Variants in EPS8L3 observed in about 807,000 individuals in gnomAD.
EPS8L3 encodes the protein EPS8 signaling adaptor L3.
A neutral mutation model predicts 88.5 loss-of-function variants in EPS8L3; 80 were observed. That is an observed-to-expected ratio of 0.90 (90% CI 0.75 to 1.09). The LOEUF (loss-of-function observed/expected upper bound fraction) is 1.09, where lower values mean the gene tolerates loss of function less well. Among genes scored for constraint, EPS8L3 ranks in the 50% least tolerant of loss-of-function variants. The pLI, the probability that EPS8L3 is intolerant of heterozygous loss-of-function variation, is 0.00. For missense variants in EPS8L3, 721 were observed against 735.2 expected (o/e 0.98, Z 0.22); for synonymous variants, 286 against 291.0 (o/e 0.98, Z 0.18).
intron 9 of EPS8L3, 38 bp from the exon 10 acceptor site, chr1:109,757,901 C>T: frequency 6.2e-7 from 1 of 1,613,496 alleles, no homozygotes; most frequent in Non-Finnish European, 8.5e-7. Flanking sequence ...CAGAGATCAC[C>T]CTGAGACACC....
chr1:109,759,651 A>G lies in EPS8L3; in HGVS notation c.255+27T>C, dbSNP rs1228617140. The G allele has an allele frequency of 4.3e-6, 7 of 1,610,252 alleles. No homozygotes were observed. Among genetic ancestry groups the G allele is most frequent in the Middle Eastern group, 1.7e-4 (1 of 6,042 alleles). On this transcript the variant is annotated intron_variant, in intron 4 of 18. Transcript: ENST00000361965. The surrounding 1 kb of genome is among the most constrained non-coding windows in gnomAD (Gnocchi z 4.2). ...TGCTTCCCCACAGCCCAGGCTGGCT[A>G]TCACTGGGTTTGCTGGGAAGGCTGA...
chr1:109,751,301 C>T lies in EPS8L3; in HGVS notation c.1614G>A (p.Leu538=), dbSNP rs765081787. The T allele has an allele frequency of 6.2e-7, 1 of 1,613,818 alleles. No individual in the cohort carries two copies. The highest frequency in any genetic ancestry group is 8.5e-7 in the Non-Finnish European group (1 of 1,179,992). The change falls in exon 17 of 19, where the codon CTG becomes CTA. Residue 538 remains leucine (L), a synonymous_variant. Transcript: ENST00000361965. ...SSRPEEVTDW[L]QAENFSTATV... is the part of the protein sequence containing the mutation. Reference sequence around the variant, plus strand: ...ACGCAGTGGAGAAGTTCTCTGCCTGCAGCCAGTCTGTGACCTCTTCAGGCC... The same window carrying T: ...ACGCAGTGGAGAAGTTCTCTGCCTGTAGCCAGTCTGTGACCTCTTCAGGCC...
chr1:109,762,182 A>C (rs1651050470), intron 1 of EPS8L3, among the ~76,000 whole-genome samples: 1 of 152,186 alleles, frequency 6.6e-6, no homozygotes, highest in African/African-American at 2.4e-5. Context: ...CGACCCCGCC[A>C]GAGGAGGCCC....
In EPS8L3 at chr1:109,759,058, C is replaced by G. The variant is rs748329403; in HGVS notation, c.461+4G>C. On this transcript the variant is annotated splice_donor_region_variant and intron_variant, in intron 6 of 18. Transcript: ENST00000361965. This position sits in a 1 kb window ranked among gnomAD's most constrained non-coding sequence, Gnocchi z 4.2. Reference sequence around the variant, plus strand: ...CATAGGTGGGCTGGGCAGAGGCTGCCTACCTTTGCTCCAGCTCTTCCTCCA... The same window carrying G: ...CATAGGTGGGCTGGGCAGAGGCTGCGTACCTTTGCTCCAGCTCTTCCTCCA... 9 of 1,598,980 alleles carry G rather than the reference C, an allele frequency of 5.6e-6. No individual in the cohort carries two copies. Among genetic ancestry groups the G allele is most frequent in the Non-Finnish European group, 7.7e-6 (9 of 1,173,514 alleles).
At chr1:109,758,858 C>T (rs911267405) in intron 6 of EPS8L3, among the ~76,000 whole-genome samples, 195 bp from the exon 7 acceptor site, 1 of 152,152 alleles carries the variant, frequency 6.6e-6, no homozygotes, top group Non-Finnish European at 1.5e-5. Flanking sequence ...CCTCTTGGGT[C>T]CCATCTCAGT....
At chr1:109,752,265 C>A (rs1649871210) in intron 14 of EPS8L3, 72 bp from the exon 15 acceptor site, 1 of 1,415,102 alleles carries the variant, frequency 7.1e-7, no homozygotes, top group African/African-American at 1.4e-5. Flanking sequence ...CCCTGAGATT[C>A]CCCTCAGGTA....
In EPS8L3 at chr1:109,758,484, G is replaced by A. The variant is rs368090831; in HGVS notation, c.601+40C>T. The A allele has an allele frequency of 2.8e-5, 44 of 1,562,294 alleles. No individual in the cohort carries two copies. The African/African-American group carries it at 3.3e-4, about 12-fold the overall frequency. ...GATCTTAGATCTTTGACTTTTCATC[G>A]AAACCCTCTCCTTCACCTGCCCCCA... On this transcript the variant is annotated intron_variant, in intron 7 of 18. Coordinates refer to ENST00000361965, the MANE Select transcript of EPS8L3 (RefSeq NM_133181.4).
intron 16 of EPS8L3, 102 bp downstream of exon 16, chr1:109,751,552 C>T (rs1045215750): frequency 1.6e-5 from 25 of 1,557,002 alleles, no homozygotes; most frequent in Middle Eastern, 3.4e-4. Context: ...TAATACGGTC[C>T]GAATCAAACC....
intron 1 of EPS8L3, among the ~76,000 whole-genome samples, chr1:109,762,480 G>A (rs1400238030): frequency 1.3e-5 from 2 of 152,042 alleles, no homozygotes; most frequent in Non-Finnish European, 2.9e-5. Flanking sequence ...ACCCCACCCT[G>A]CCCAGGGTAC....
chr1:109,752,811 C>T, intron 13 of EPS8L3, 91 bp from the exon 14 acceptor site: 1 of 1,186,536 alleles, frequency 8.4e-7, no homozygotes, highest in Non-Finnish European at 1.2e-6. Flanking sequence ...GCATAAGCAG[C>T]TCACACACAG....
At chr1:109,763,447 C>G (rs1651216994) in intron 1 of EPS8L3, among the ~76,000 whole-genome samples, 1 of 152,164 alleles carries the variant, frequency 6.6e-6, no homozygotes, top group Non-Finnish European at 1.5e-5. Context: ...ACAGCTGCAG[C>G]CAAAGATTCC....
At chr1:109,752,318 A>G in intron 14 of EPS8L3, 125 bp from the exon 15 acceptor site, 7 of 979,740 alleles carry the variant, frequency 7.1e-6, no homozygotes, top group Non-Finnish European at 9.1e-6. Context: ...GTTTCTTTAG[A>G]GTTTGCTGGC....
intron 16 of EPS8L3, 64 bp from the exon 17 acceptor site, chr1:109,751,415 C>T (rs1649781075): frequency 1.3e-6 from 2 of 1,521,854 alleles, no homozygotes; most frequent in Non-Finnish European, 1.8e-6. Context: ...CAGCCCCTAA[C>T]ATCTGGGTCC....
Position 109,757,147 on chromosome 1 carries a change from C to T in EPS8L3, c.988G>A (p.Glu330Lys), listed in dbSNP as rs1650363336. The T allele has an allele frequency of 6.2e-7, 1 of 1,612,484 alleles. No individual in the cohort carries two copies. Among genetic ancestry groups the T allele is most frequent in the Non-Finnish European group, 8.5e-7 (1 of 1,179,026 alleles). The change falls in exon 12 of 19, where the codon GAG (glutamate) becomes AAG (lysine). Residue 330 changes from glutamate (E) to lysine (K), a missense_variant. Glu to Lys is a moderately conservative substitution (Grantham distance 56). Coordinates refer to ENST00000361965, the MANE Select transcript of EPS8L3 (RefSeq NM_133181.4). ...ATCACTTGGGCTGCTAGGCCAGCCT[C>T]AGGGCACCTGGCCAGGATCTAGGGG... The part of the protein sequence containing the change: ...SLNFILARCP[E>K]AGLAAQVISP...
intron 12 of EPS8L3, among the ~76,000 whole-genome samples, chr1:109,754,395 G>C (rs976851693): frequency 1.3e-5 from 2 of 152,026 alleles, no homozygotes; most frequent in African/African-American, 2.4e-5. Flanking sequence ...AATATAATTT[G>C]CTTGAAATTC....
Position 109,757,819 on chromosome 1 carries a change from G to A in EPS8L3, c.877C>T (p.His293Tyr), listed in dbSNP as rs3818562. The A allele has an allele frequency of 0.48, 780,176 of 1,613,184 alleles. 194,190 individuals are homozygous for A. The highest frequency in any genetic ancestry group is 0.75 in the East Asian group (33,778 of 44,860). ...CCACCTACCAGGAGGTTGAAGCTGT[G>A]CTTGATCTTCTGGAAGCAGTCAATG... ...QYIDCFQKIK[H>Y]SFNLLGRLAT... The change falls in exon 10 of 19, where the codon CAC becomes TAC. Residue 293 changes from histidine to tyrosine, a missense_variant. Physicochemically the swap from His to Tyr is moderately conservative, Grantham distance 83. Coordinates refer to ENST00000361965, the MANE Select transcript of EPS8L3 (RefSeq NM_133181.4).
chr1:109,755,123 A>G (rs1005506710), intron 12 of EPS8L3, among the ~76,000 whole-genome samples: 28 of 152,246 alleles, frequency 1.8e-4, no homozygotes, highest in African/African-American at 6.3e-4. Flanking sequence ...TAAGTGAACA[A>G]GCCACATACG....
intron 11 of EPS8L3, 145 bp downstream of exon 11, chr1:109,757,336 T>A: frequency 9.0e-7 from 1 of 1,110,466 alleles, no homozygotes; most frequent in Non-Finnish European, 1.3e-6. Context: ...CCTTAGAGCC[T>A]TGGCGTCCTT....
At chr1:109,751,842 C>T in intron 15 of EPS8L3, 60 bp from the exon 16 acceptor site, 1 of 1,605,290 alleles carries the variant, frequency 6.2e-7, no homozygotes, top group Non-Finnish European at 8.5e-7. Flanking sequence ...TCCCTCCCCA[C>T]ACAAGGCTTT....
Sources: allele counts gnomAD v4.1 joint callset (sites outside exome capture counted in the v4.1 genomes callset), GRCh38; gene constraint gnomAD v4.1.1; non-coding constraint Gnocchi (gnomAD v3.1); transcripts MANE v1.5; gene names NCBI Gene and HGNC (gene_info 2026-07-23, HGNC 2026-07-21).